The following FBLN7 variants were observed in gnomAD, a reference collection of about 807,000 sequenced individuals.
The protein encoded by FBLN7 is fibulin-7.
A neutral mutation model predicts 44.0 loss-of-function variants in FBLN7; 31 were observed. The ratio of observed to expected loss-of-function variants is 0.70; its 90% CI spans 0.53 to 0.95. The LOEUF is 0.95. FBLN7 is among the 40% of genes least tolerant of loss of function. The pLI is 0.00. For missense variants in FBLN7, 573 were observed against 618.5 expected (o/e 0.93, Z 0.78); for synonymous variants, 262 against 253.4 (o/e 1.03, Z -0.32).
chr2:112,212,108 T>TA, the FBLN7 span: 2 of 152,290 alleles, frequency 1.3e-5, no homozygotes, highest in African/African-American at 4.8e-5. Context: ...AAGGTGCTGG[T>TA]ATATTAGTGT....
chr2:112,196,194 AG>A, the FBLN7 span, among the ~76,000 whole-genome samples: 4 of 152,164 alleles, frequency 2.6e-5, no homozygotes, highest in African/African-American at 2.4e-5. Context: ...AATGATTTTA[AG>A]GTTGTCTGTT....
intron 4 of FBLN7, 127 bp from the exon 5 acceptor site, chr2:112,181,612 T>C (rs994753465): frequency 8.6e-7 from 1 of 1,166,254 alleles, no homozygotes; most frequent in Non-Finnish European, 1.1e-6. Flanking sequence ...CTCCTTTCCC[T>C]ACTCCAGAGT....
the FBLN7 span, among the ~76,000 whole-genome samples, chr2:112,217,423 A>G: frequency 1.3e-5 from 2 of 152,190 alleles, no homozygotes; most frequent in South Asian, 2.1e-4. Flanking sequence ...GCAAATGGAA[A>G]CATTTTCAAG....
At chr2:112,184,242 A>C (rs1683136746) in intron 6 of FBLN7, among the ~76,000 whole-genome samples, 1 of 152,232 alleles carries the variant, frequency 6.6e-6, no homozygotes, top group African/African-American at 2.4e-5. Context: ...CGCTGGCTCC[A>C]GATAACAGCT....
chr2:112,181,474 C>T (rs1682986626), intron 4 of FBLN7, among the ~76,000 whole-genome samples: 2 of 152,130 alleles, frequency 1.3e-5, no homozygotes, highest in Admixed American at 1.3e-4. Context: ...CCCCAGCTGT[C>T]CTTCTCGGGG....
chr2:112,141,986 T>G (rs1306003908), intron 1 of FBLN7, among the ~76,000 whole-genome samples: 2 of 152,212 alleles, frequency 1.3e-5, no homozygotes, highest in Non-Finnish European at 1.5e-5. Flanking sequence ...TGTCTTGAGC[T>G]GCAAAACACC....
At chr2:112,179,285 G>A (rs533175600) in intron 4 of FBLN7, among the ~76,000 whole-genome samples, 3 of 152,084 alleles carry the variant, frequency 2.0e-5, no homozygotes, top group Non-Finnish European at 4.4e-5. Flanking sequence ...AGCTAACCAG[G>A]GAGGTGAAAG....
At chr2:112,225,467 G>A in the FBLN7 span, among the ~76,000 whole-genome samples, 43 of 152,088 alleles carry the variant, frequency 2.8e-4, no homozygotes, top group Non-Finnish European at 6.0e-4. Flanking sequence ...AACAGAGCAA[G>A]ACCCTATGTC....
At chr2:112,167,454 G>T (rs1682217548) in intron 3 of FBLN7, among the ~76,000 whole-genome samples, 1 of 152,098 alleles carries the variant, frequency 6.6e-6, no homozygotes, top group South Asian at 2.1e-4. Flanking sequence ...TCTTGACCTT[G>T]GTTGCTTTAG....
chr2:112,160,800 GCACGCACA>G (rs1681807855), intron 2 of FBLN7, among the ~76,000 whole-genome samples: 7 of 117,392 alleles, frequency 6.0e-5, no homozygotes, highest in African/African-American at 1.6e-4. Context: ...ACGCACACAC[GCACGCACA>G]CACACGCACA....
chr2:112,161,507 T>C (rs1681868209), intron 2 of FBLN7, among the ~76,000 whole-genome samples: 1 of 152,176 alleles, frequency 6.6e-6, no homozygotes, highest in African/African-American at 2.4e-5. Context: ...CTTTCCTTCC[T>C]GCCTCAGATG....
chr2:112,169,222 G>A (rs564929071), intron 3 of FBLN7, among the ~76,000 whole-genome samples: 31 of 152,216 alleles, frequency 2.0e-4, no homozygotes, highest in African/African-American at 6.7e-4. Flanking sequence ...GCAGTGAGCC[G>A]AAATCACACC....
At position 112,185,212 on chromosome 2, in the gene FBLN7, T is replaced by G. The variant is rs758059069; in HGVS notation, c.820T>G (p.Cys274Gly). 1 of 1,613,440 alleles carries G rather than the reference T, an allele frequency of 6.2e-7. No homozygotes were observed. The highest frequency in any genetic ancestry group is 1.3e-5 in the African/African-American group (1 of 74,874). Reference sequence around the variant, plus strand: ...GTCCTGTATCTCAGATGTGGATGAATGTGTGGGCCTGCAGCCGGTGTGCCC... The same window carrying G: ...GTCCTGTATCTCAGATGTGGATGAAGGTGTGGGCCTGCAGCCGGTGTGCCC... ...DGKSCEDVDE[C>G]VGLQPVCPQG... The change falls in exon 7 of 8, where the codon TGT becomes GGT. Residue 274 changes from cysteine to glycine, a missense_variant. Transcript: ENST00000331203.
intron 3 of FBLN7, among the ~76,000 whole-genome samples, chr2:112,170,384 G>A (rs566890239): frequency 9.2e-4 from 139 of 151,756 alleles, no homozygotes; most frequent in African/African-American, 3.0e-3. Flanking sequence ...AAAATTAGCC[G>A]GGCATGGTGG....
the FBLN7 span, among the ~76,000 whole-genome samples, chr2:112,240,084 A>G: frequency 6.6e-6 from 1 of 152,208 alleles, no homozygotes; most frequent in Admixed American, 6.5e-5. Flanking sequence ...TCAGGCCACC[A>G]AACTTCTTGT....
the FBLN7 span, among the ~76,000 whole-genome samples, chr2:112,217,743 T>TA: frequency 1.3e-5 from 2 of 152,230 alleles, no homozygotes; most frequent in Non-Finnish European, 2.9e-5. Context: ...AATTTTTGCT[T>TA]AAAAGCTTGA....
At chr2:112,158,111 A>T (rs1299853319) in intron 1 of FBLN7, among the ~76,000 whole-genome samples, 1 of 148,150 alleles carries the variant, frequency 6.7e-6, no homozygotes, top group African/African-American at 2.5e-5. Flanking sequence ...GTTAGCCAGG[A>T]TGGTCTCGAT....
At chr2:112,199,983 G>C in the FBLN7 span, among the ~76,000 whole-genome samples, 1 of 152,182 alleles carries the variant, frequency 6.6e-6, no homozygotes, top group African/African-American at 2.4e-5. Flanking sequence ...CCAGAACCAT[G>C]AGCTAAACAT....
chr2:112,167,486 G>A (rs112275607), intron 3 of FBLN7, among the ~76,000 whole-genome samples: 4,158 of 152,126 alleles, frequency 0.027, 71 homozygotes, highest in African/African-American at 0.044. Context: ...CACCTGCCTC[G>A]CTGCAGCAGG....
Sources: allele counts gnomAD v4.1 joint callset (sites outside exome capture counted in the v4.1 genomes callset), GRCh38; gene constraint gnomAD v4.1.1; transcripts MANE v1.5; gene names NCBI Gene and HGNC (gene_info 2026-07-23, HGNC 2026-07-21).